NLRC5: variants seen among roughly 807,000 people sequenced by gnomAD.
The protein encoded by NLRC5 is protein NLRC5.
In NLRC5, 114 loss-of-function variants were observed where a neutral mutation model predicts 206.9. The observed-to-expected ratio is 0.55, with a 90% CI of 0.47 to 0.64. The LOEUF (loss-of-function observed/expected upper bound fraction) is 0.64. Among genes scored for constraint, NLRC5 ranks in the 30% least tolerant of loss-of-function variants. The pLI is 0.00. For synonymous variants in NLRC5, 952 were observed against 962.8 expected (o/e 0.99, Z 0.21); for missense variants, 2,008 against 2,305.5 (o/e 0.87, Z 2.64).
At chr16:57,049,881 C>G (rs1281893034) in intron 23 of NLRC5, among the ~76,000 whole-genome samples, 1 of 152,126 alleles carries the variant, frequency 6.6e-6, no homozygotes, top group African/African-American at 2.4e-5. Flanking sequence ...ACTTTGTCAA[C>G]TGTAGAGTAC....
chr16:57,074,575 G>C (rs1434032252), intron 38 of NLRC5, 25 bp from the exon 39 acceptor site: 2 of 1,610,612 alleles, frequency 1.2e-6, no homozygotes, highest in Non-Finnish European at 1.7e-6. Context: ...CAGATGTCAA[G>C]TTCACCTGGC....
rs2065951326 is a variant in NLRC5 at position 57,058,275 on chromosome 16, G to A, written c.3830+127G>A. The A allele has an allele frequency of 6.6e-6, 5 of 759,372 alleles. No individual in the cohort carries two copies. In the South Asian group the frequency reaches 8.4e-5, roughly 13 times the overall value. 47.0% of individuals were successfully genotyped at this position (759,372 alleles called of 1,614,324 possible). On this transcript the variant is annotated intron_variant, in intron 28 of 48. Coordinates refer to ENST00000688547, the MANE Select transcript of NLRC5 (RefSeq NM_001384950.1). ...GAGGACAAGGACTGTGGAGGGCAAG[G>A]GGCAATTCTTCCCTTGCCTTCACTC...
chr16:57,025,641 G>A lies in NLRC5; in HGVS notation c.698G>A (p.Gly233Asp), dbSNP rs1252294383. ...VTVLLGKAGM[G>D]KTTLAHRLCQ... ...GTGCTTTTGGGGAAGGCTGGCATGG[G>A]CAAGACCACGCTGGCCCACCGGCTC... Residue 233 changes from glycine to aspartate, a missense_variant, in exon 6 of 49, where the codon GGC becomes GAC. Physicochemically the swap from Gly to Asp is moderately conservative, Grantham distance 94. Coordinates refer to ENST00000688547, the MANE Select transcript of NLRC5 (RefSeq NM_001384950.1). The A allele has an allele frequency of 6.2e-7, 1 of 1,614,144 alleles. No homozygotes were observed. Among genetic ancestry groups the A allele is most frequent in the Non-Finnish European group, 8.5e-7 (1 of 1,180,026 alleles).
intron 1 of NLRC5, chr16:57,013,429 C>A: frequency 1.5e-6 from 1 of 657,248 alleles, no homozygotes; most frequent in South Asian, 1.7e-5. Flanking sequence ...CTGATAAGTT[C>A]CAAAGTGTTT....
In NLRC5 at chr16:57,055,090, T is replaced by G; in HGVS notation, c.3655T>G (p.Cys1219Gly). 1 of 1,614,092 alleles carries G rather than the reference T, an allele frequency of 6.2e-7. No homozygotes were observed. Among genetic ancestry groups the G allele is most frequent in the Non-Finnish European group, 8.5e-7 (1 of 1,180,002 alleles). The change falls in exon 26 of 49, where the codon TGT becomes GGT. Residue 1219 changes from cysteine to glycine, a missense_variant. Coordinates refer to ENST00000688547, the MANE Select transcript of NLRC5 (RefSeq NM_001384950.1). ...CAACGAGGAGGAGGAAGGCGTGTGC[T>G]GTGGGTAAGCCCCCTTGAACCATGC... ...RSNEEEEGVC[C>G]GRFTGCSLSQ...
In NLRC5 at chr16:57,027,032, G is replaced by A. The variant is rs147916537; in HGVS notation, c.2075+14G>A. The A allele has an allele frequency of 1.9e-4, 304 of 1,607,126 alleles. 1 individual carries two copies. In the East Asian group the frequency reaches 6.1e-3, roughly 32 times the overall value. Reference sequence around the variant, plus strand: ...AGAGAATCTCAGGTGAGTAAGAGTGGAGGAGGACCGGGGAGGGGATTGGGC... The same window carrying A: ...AGAGAATCTCAGGTGAGTAAGAGTGAAGGAGGACCGGGGAGGGGATTGGGC... On this transcript the variant is annotated intron_variant, in intron 6 of 48. Transcript: ENST00000688547.
chr16:57,002,691 G>A (rs1218688922), intron 1 of NLRC5, among the ~76,000 whole-genome samples: 1 of 138,126 alleles, frequency 7.2e-6, no homozygotes, highest in Middle Eastern at 4.3e-3. Flanking sequence ...TCTCAAGGCT[G>A]GAGTGCAGTG....
Position 57,081,094 on chromosome 16 carries a change from G to C in NLRC5, c.5322-4G>C. On this transcript the variant is annotated splice_region_variant and splice_polypyrimidine_tract_variant and intron_variant, in intron 46 of 48. Coordinates refer to ENST00000688547, the MANE Select transcript of NLRC5 (RefSeq NM_001384950.1). ...CCGCTGACTTTGGGACCCCTACCCT[G>C]CAGGCTGTCCTGGAATCTCCTCGGG... The C allele has an allele frequency of 6.5e-7, 1 of 1,548,624 alleles. No homozygotes were observed. Among genetic ancestry groups the C allele is most frequent in the Non-Finnish European group, 8.7e-7 (1 of 1,147,590 alleles).
intron 34 of NLRC5, 52 bp from the exon 35 acceptor site, chr16:57,067,335 C>A: frequency 6.9e-7 from 1 of 1,453,802 alleles, no homozygotes; most frequent in Non-Finnish European, 9.7e-7. Flanking sequence ...ATACTGAATC[C>A]CACATACTGG....
chr16:57,075,005 C>CCTT (rs2068196484), intron 39 of NLRC5, among the ~76,000 whole-genome samples: 1 of 58,066 alleles, frequency 1.7e-5, no homozygotes, highest in Non-Finnish European at 3.2e-5. Context: ...CTAGACTGTG[C>CCTT]TTTTTTTTTT....
chr16:57,051,643 T>C (rs2064918266), intron 24 of NLRC5, 22 bp downstream of exon 24: 3 of 1,595,992 alleles, frequency 1.9e-6, no homozygotes, highest in East Asian at 2.2e-5. Flanking sequence ...GTTTTTCCTA[T>C]TTCCCGGTTC....
At position 57,025,456 on chromosome 16, in the gene NLRC5, C is replaced by G. The variant is rs765005713; in HGVS notation, c.513C>G (p.Ala171=). Residue 171 remains alanine, a synonymous_variant, in exon 6 of 49, where the codon GCC becomes GCG. Coordinates refer to ENST00000688547, the MANE Select transcript of NLRC5 (RefSeq NM_001384950.1). The part of the protein sequence containing the change: ...SQIPGSGQPH[A]FHQVYVPPIL... ...TCCCTGGGTCAGGGCAGCCCCACGC[C>G]TTCCACCAGGTCTATGTCCCTCCAA... 7 of 1,610,862 alleles carry G rather than the reference C, an allele frequency of 4.3e-6. No homozygotes were observed. The highest frequency in any genetic ancestry group is 5.9e-6 in the Non-Finnish European group (7 of 1,178,138).
Position 57,025,799 on chromosome 16 carries a change from T to G in NLRC5, c.856T>G (p.Ser286Ala), listed in dbSNP as rs1555520385. Residue 286 changes from serine to alanine, a missense_variant, in exon 6 of 49, where the codon TCG becomes GCG. Ser to Ala is a moderately conservative substitution (Grantham distance 99). Transcript: ENST00000688547. ...TTTTGATCTGTACCTGAGCCCTGAATCGGACCACGACACTGTCTTCCAGTA... is the reference window on the plus strand; with the variant it reads ...TTTTGATCTGTACCTGAGCCCTGAAGCGGACCACGACACTGTCTTCCAGTA... The part of the protein sequence containing the change: ...LLFDLYLSPE[S>A]DHDTVFQYLE... The G allele has an allele frequency of 6.2e-7, 1 of 1,614,192 alleles. No individual in the cohort carries two copies. The highest frequency in any genetic ancestry group is 1.3e-5 in the African/African-American group (1 of 75,058).
At chr16:57,019,321 C>T (rs11864134) in intron 2 of NLRC5, among the ~76,000 whole-genome samples, 7 of 151,976 alleles carry the variant, frequency 4.6e-5, no homozygotes, top group Non-Finnish European at 5.9e-5. Context: ...CGCTTGAACC[C>T]GGGAGGCGGA....
chr16:57,043,509 C>A lies in NLRC5; in HGVS notation c.3114-6C>A. 6.2e-7 allele frequency: 1 copy of A among 1,613,608 alleles called. No homozygotes were observed. Among genetic ancestry groups the A allele is most frequent in the Non-Finnish European group, 8.5e-7 (1 of 1,179,526 alleles). ...ACCTCCATTGTGCCACCCCTGTGATCTCCAGCCTCAGTGAGAACGGTTTGT... is the reference window on the plus strand; with the variant it reads ...ACCTCCATTGTGCCACCCCTGTGATATCCAGCCTCAGTGAGAACGGTTTGT... On this transcript the variant is annotated splice_polypyrimidine_tract_variant and splice_region_variant and intron_variant, in intron 19 of 48. Transcript: ENST00000688547.
At chr16:57,005,919 CA>C (rs34438852) in intron 1 of NLRC5, among the ~76,000 whole-genome samples, 20 of 137,564 alleles carry the variant, frequency 1.5e-4, no homozygotes, top group South Asian at 7.0e-4. Flanking sequence ...TACCCTGTCT[CA>C]AAAAAAAAAG....
chr16:57,076,365 G>A (rs538214729), intron 39 of NLRC5, among the ~76,000 whole-genome samples: 3 of 152,220 alleles, frequency 2.0e-5, no homozygotes, highest in Non-Finnish European at 2.9e-5. Context: ...CAATACCCTG[G>A]GTTTAAGGAA....
chr16:57,069,856 G>T lies in NLRC5; in HGVS notation c.4520G>T (p.Ser1507Ile). The change falls in exon 37 of 49, where the codon AGC becomes ATC. Residue 1507 changes from serine (S) to isoleucine (I), a missense_variant. Coordinates refer to ENST00000688547, the MANE Select transcript of NLRC5 (RefSeq NM_001384950.1). ...KTFRLTSSCV[S>I]TEGLAHLASG... Reference sequence around the variant, plus strand: ...ACCAGGCTGACCTCCAGCTGTGTGAGCACCGAGGGCCTCGCCCACCTGGCA... The same window carrying T: ...ACCAGGCTGACCTCCAGCTGTGTGATCACCGAGGGCCTCGCCCACCTGGCA... 1 of 1,603,994 alleles carries T rather than the reference G, an allele frequency of 6.2e-7. No individual in the cohort carries two copies. Among genetic ancestry groups the T allele is most frequent in the Non-Finnish European group, 8.5e-7 (1 of 1,176,066 alleles).
At chr16:57,041,417 TG>T in intron 17 of NLRC5, 67 bp from the exon 18 acceptor site, 1 of 1,319,266 alleles carries the variant, frequency 7.6e-7, no homozygotes, top group Non-Finnish European at 1.1e-6. Flanking sequence ...GTCTGGGGGG[TG>T]GGAAAGCGGC....
Sources: gnomAD v4.1 joint callset for allele counts (sites outside exome capture counted in the v4.1 genomes callset) on GRCh38, gnomAD v4.1.1 for gene constraint, MANE v1.5 for transcripts, NCBI Gene and HGNC (gene_info 2026-07-23, HGNC 2026-07-21) for gene names.